COL21A1: variants seen among roughly 807,000 people sequenced by gnomAD.
The protein encoded by COL21A1 is collagen type XXI alpha 1 chain.
COL21A1 carries 149 observed loss-of-function variants against 137.9 expected under a neutral mutation model. That is an observed-to-expected ratio of 1.08 (90% CI 0.95 to 1.24). The LOEUF (loss-of-function observed/expected upper bound fraction) is 1.24, where lower values mean the gene tolerates loss of function less well. Ranked by LOEUF, COL21A1 falls within the 50% of genes most tolerant of loss-of-function variation. The probability of loss-of-function intolerance (pLI) is 0.00; values close to 1 mark genes in which losing one functional copy is unlikely to be tolerated. For synonymous variants in COL21A1, 456 were observed against 391.5 expected (o/e 1.16, Z -1.95); for missense variants, 1,167 against 1,158.4 (o/e 1.01, Z -0.11).
chr6:56,338,244 G>T (rs151015385), intron 1 of COL21A1, among the ~76,000 whole-genome samples: 1 of 152,046 alleles, frequency 6.6e-6, no homozygotes. Flanking sequence ...GATTACAGGC[G>T]TGAGGGGTTT....
intron 24 of COL21A1, 22 bp from the exon 25 acceptor site, chr6:56,061,703 A>T (rs780482256): frequency 7.2e-6 from 11 of 1,519,064 alleles, no homozygotes; most frequent in Non-Finnish European, 9.9e-6. Flanking sequence ...AATAGAAAAA[A>T]TATAATAAAT....
At chr6:56,288,750 T>C (rs1304264718) in intron 1 of COL21A1, among the ~76,000 whole-genome samples, 1 of 152,196 alleles carries the variant, frequency 6.6e-6, no homozygotes, top group Non-Finnish European at 1.5e-5. Flanking sequence ...CCATTCACGG[T>C]TCCTGAAACC....
intron 17 of COL21A1, among the ~76,000 whole-genome samples, chr6:56,094,871 C>T (rs1010285742): frequency 3.9e-5 from 6 of 152,166 alleles, no homozygotes; most frequent in Admixed American, 2.6e-4. Context: ...TTGCTCTGAA[C>T]TTTCAACTGA....
chr6:56,381,488 C>T (rs2094008650), intron 1 of COL21A1, among the ~76,000 whole-genome samples: 3 of 152,198 alleles, frequency 2.0e-5, no homozygotes, highest in Admixed American at 6.5e-5. Flanking sequence ...CTCTGGGGTA[C>T]TATTTCACTT....
Position 56,198,560 on chromosome 6 carries a change from G to GA in COL21A1, c.-38-15905dup, listed in dbSNP as rs141004498. Among the ~76,000 whole-genome samples, 1,194 of 151,938 alleles carry GA rather than the reference G, an allele frequency of 7.9e-3. 19 individuals carry two copies. Among genetic ancestry groups the GA allele is most frequent in the African/African-American group, 0.028 (1,149 of 41,480 alleles). On this transcript the variant is annotated intron_variant, in intron 1 of 29. Transcript: ENST00000244728. ...CTCACATAAATAATGATTAAAATGA[G>GA]AAAAAAAGAATACAGGCCAACAAGG...
intron 1 of COL21A1, among the ~76,000 whole-genome samples, chr6:56,235,264 GC>G (rs1392296038): frequency 6.6e-6 from 1 of 151,844 alleles, no homozygotes; most frequent in African/African-American, 2.4e-5. Flanking sequence ...AAACCCACAA[GC>G]CTGAAGTTTA....
intron 1 of COL21A1, among the ~76,000 whole-genome samples, chr6:56,349,405 A>G (rs1026469925): frequency 2.0e-5 from 3 of 152,184 alleles, no homozygotes; most frequent in African/African-American, 7.2e-5. Flanking sequence ...AAATCAAAAT[A>G]ACTCTTAAAA....
chr6:56,302,214 C>A (rs989389632), intron 1 of COL21A1, among the ~76,000 whole-genome samples: 1 of 151,592 alleles, frequency 6.6e-6, no homozygotes, highest in Non-Finnish European at 1.5e-5. Flanking sequence ...TTTATAGCAG[C>A]ACGATTTATA....
intron 1 of COL21A1, among the ~76,000 whole-genome samples, chr6:56,377,289 C>A (rs1263100110): frequency 6.6e-6 from 1 of 151,896 alleles, no homozygotes; most frequent in African/African-American, 2.4e-5. Context: ...GCGCCCGGCC[C>A]GGAAAAACAG....
chr6:56,323,690 G>C (rs370035490), intron 1 of COL21A1, among the ~76,000 whole-genome samples: 1 of 152,092 alleles, frequency 6.6e-6, no homozygotes, highest in Non-Finnish European at 1.5e-5. Context: ...TAAGATAAAT[G>C]TTGCCTCTTT....
At chr6:56,391,369 C>T (rs1194879381) in intron 1 of COL21A1, among the ~76,000 whole-genome samples, 3 of 151,856 alleles carry the variant, frequency 2.0e-5, no homozygotes, top group Non-Finnish European at 4.4e-5. Flanking sequence ...AAACAAATAA[C>T]AATGCATCAT....
intron 1 of COL21A1, among the ~76,000 whole-genome samples, chr6:56,325,240 G>T (rs1764981309): frequency 4.3e-4 from 1 of 2,332 alleles, no homozygotes; most frequent in Non-Finnish European, 0.019. Context: ...ATGAGGAAAA[G>T]ATTTTTTTTC....
chr6:56,326,257 C>T (rs1765088518), intron 1 of COL21A1, among the ~76,000 whole-genome samples: 1 of 150,636 alleles, frequency 6.6e-6, no homozygotes, highest in South Asian at 2.1e-4. Context: ...ACCTTTTGAA[C>T]ATACTGAAAG....
intron 17 of COL21A1, among the ~76,000 whole-genome samples, chr6:56,084,306 T>C (rs1193620910): frequency 1.3e-5 from 2 of 151,748 alleles, no homozygotes; most frequent in Non-Finnish European, 2.9e-5. Flanking sequence ...TATATTGTCT[T>C]ATAACCTTAT....
intron 10 of COL21A1, among the ~76,000 whole-genome samples, chr6:56,156,657 A>C (rs1034609689): frequency 8.6e-5 from 1 of 11,682 alleles, no homozygotes; most frequent in South Asian, 2.5e-3. Context: ...GCTTAAGCCT[A>C]TACTGATCAA....
intron 3 of COL21A1, among the ~76,000 whole-genome samples, chr6:56,173,092 T>A (rs1777189154): frequency 6.6e-6 from 1 of 152,120 alleles, no homozygotes; most frequent in Non-Finnish European, 1.5e-5. Context: ...TTAATCAAAG[T>A]ACATAGAGAG....
At position 56,315,876 on chromosome 6, in the gene COL21A1, A is replaced by G. The variant is rs557496841; in HGVS notation, c.-39+78095T>C. On this transcript the variant is annotated intron_variant, in intron 1 of 28. Transcript: ENST00000370819. ...ATCTCAAGTAATTTCACCACAAAAA[A>G]AAGATAAGTATGTGAAGTGATAGAT... Among the ~76,000 whole-genome samples, 7 of 152,334 alleles carry G rather than the reference A, an allele frequency of 4.6e-5. No homozygotes were observed. The South Asian group carries it at 1.4e-3, about 32-fold the overall frequency.
chr6:56,318,955 C>T (rs1403963567), intron 1 of COL21A1, among the ~76,000 whole-genome samples: 2 of 151,848 alleles, frequency 1.3e-5, no homozygotes, highest in Non-Finnish European at 2.9e-5. Context: ...CACTCTTAAA[C>T]CCACTTCATT....
At chr6:56,364,052 T>C (rs1766041865) in intron 1 of COL21A1, among the ~76,000 whole-genome samples, 1 of 152,226 alleles carries the variant, frequency 6.6e-6, no homozygotes, top group Non-Finnish European at 1.5e-5. Flanking sequence ...AAGTGCATTA[T>C]GAGCACAATG....
Sources: allele counts gnomAD v4.1 joint callset (sites outside exome capture counted in the v4.1 genomes callset), GRCh38; gene constraint gnomAD v4.1.1; transcripts MANE v1.5; gene names NCBI Gene and HGNC (gene_info 2026-07-23, HGNC 2026-07-21).